The following UTRN variants were observed in gnomAD, a reference collection of about 807,000 sequenced individuals.
UTRN encodes utrophin.
Under a neutral mutation model 463.9 loss-of-function variants are expected in UTRN, and 283 were observed. The observed-to-expected ratio is 0.61, with a 90% CI of 0.55 to 0.67. The LOEUF (loss-of-function observed/expected upper bound fraction) is 0.67. UTRN is among the 30% of genes least tolerant of loss of function. The pLI, the probability that UTRN is intolerant of heterozygous loss-of-function variation, is 0.00. For missense variants in UTRN, 3,922 were observed against 4,084.3 expected (o/e 0.96, Z 1.08); for synonymous variants, 1,442 against 1,431.5 (o/e 1.01, Z -0.17).
chr6:144,490,336 A>T, intron 31 of UTRN, 137 bp downstream of exon 31: 1 of 1,275,872 alleles, frequency 7.8e-7, no homozygotes. Flanking sequence ...TGATGTGTTG[A>T]AGGTTGCATC....
At chr6:144,779,588 G>A (rs1378000281) in intron 60 of UTRN, among the ~76,000 whole-genome samples, 1 of 152,098 alleles carries the variant, frequency 6.6e-6, no homozygotes, top group African/African-American at 2.4e-5. Context: ...GGGGGAGGAA[G>A]AAGAGGAGCA....
chr6:144,703,392 CAGGATTA>C (rs1784780291), intron 53 of UTRN, among the ~76,000 whole-genome samples: 1 of 152,036 alleles, frequency 6.6e-6, no homozygotes, highest in Non-Finnish European at 1.5e-5. Flanking sequence ...GAAGAAAGAT[CAGGATTA>C]GAGATCAAAA....
chr6:144,781,898 C>T, intron 60 of UTRN, 24 bp from the exon 61 acceptor site: 2 of 1,580,090 alleles, frequency 1.3e-6, no homozygotes, highest in African/African-American at 2.7e-5. Context: ...TGACTGTAAA[C>T]ATTCCTTCTT....
intron 51 of UTRN, among the ~76,000 whole-genome samples, chr6:144,596,383 A>C (rs1803645175): frequency 1.3e-5 from 2 of 152,168 alleles, no homozygotes. Context: ...GGTAACATTT[A>C]ATAACCTATG....
intron 50 of UTRN, among the ~76,000 whole-genome samples, chr6:144,570,695 A>G (rs1450102915): frequency 6.6e-6 from 1 of 152,166 alleles, no homozygotes; most frequent in Non-Finnish European, 1.5e-5. Flanking sequence ...AGAATGTTCC[A>G]CTGGTCACCA....
chr6:144,721,249 T>C (rs1281555990), intron 53 of UTRN, among the ~76,000 whole-genome samples: 2 of 152,222 alleles, frequency 1.3e-5, no homozygotes, highest in East Asian at 3.8e-4. Context: ...TCTTGCTCCG[T>C]CGCCTAGGCT....
chr6:144,728,425 CTCT>C (rs1788141654), intron 53 of UTRN, among the ~76,000 whole-genome samples: 1 of 149,392 alleles, frequency 6.7e-6, no homozygotes, highest in African/African-American at 2.5e-5. Flanking sequence ...TTTCTTGTAT[CTCT>C]TTTTATTTCC....
intron 34 of UTRN, among the ~76,000 whole-genome samples, chr6:144,502,188 T>C (rs1454436209): frequency 1.3e-5 from 2 of 152,142 alleles, no homozygotes; most frequent in Non-Finnish European, 2.9e-5. Context: ...TTTCTGCCTT[T>C]AGTGCTTAGA....
In UTRN at chr6:144,544,802, G is replaced by T. The variant is rs1798261724; in HGVS notation, c.6595+1932G>T. Among the ~76,000 whole-genome samples, 4 of 152,100 alleles carry T rather than the reference G, an allele frequency of 2.6e-5. No individual in the cohort carries two copies. In the South Asian group the frequency reaches 8.3e-4, roughly 32 times the overall value. ...CACTTCCTTCCTATTCAGTGAAAGGGTTATTATCTCTTTTCCTAAGACCAG... is the reference window on the plus strand; with the variant it reads ...CACTTCCTTCCTATTCAGTGAAAGGTTTATTATCTCTTTTCCTAAGACCAG... On this transcript the variant is annotated intron_variant, in intron 46 of 74. Coordinates refer to ENST00000367545, the MANE Select transcript of UTRN (RefSeq NM_007124.3).
At chr6:144,619,404 T>C (rs1341192238) in intron 51 of UTRN, among the ~76,000 whole-genome samples, 1 of 152,192 alleles carries the variant, frequency 6.6e-6, no homozygotes, top group Non-Finnish European at 1.5e-5. Flanking sequence ...TTGGTCAGTC[T>C]AGAAATGCAA....
intron 50 of UTRN, among the ~76,000 whole-genome samples, chr6:144,559,768 A>T (rs13219611): frequency 8.5e-5 from 13 of 152,106 alleles, no homozygotes. Context: ...TTTATACATA[A>T]AAAGAATACA....
chr6:144,455,257 A>G (rs185770397), intron 19 of UTRN, among the ~76,000 whole-genome samples: 2 of 152,300 alleles, frequency 1.3e-5, no homozygotes, highest in African/African-American at 4.8e-5. Flanking sequence ...AATTAAATAG[A>G]ATAGTATTTA....
intron 2 of UTRN, among the ~76,000 whole-genome samples, chr6:144,348,815 A>G (rs951713834): frequency 6.6e-6 from 1 of 151,990 alleles, no homozygotes; most frequent in African/African-American, 2.4e-5. Flanking sequence ...ATGCCTGTAA[A>G]CCCAGCTACT....
intron 65 of UTRN, among the ~76,000 whole-genome samples, chr6:144,806,440 T>G (rs4896746): frequency 0.11 from 16,858 of 152,204 alleles, 1,639 homozygotes; most frequent in Admixed American, 0.32. Context: ...AAATCATCTG[T>G]ATGACAGGTC....
chr6:144,404,687 G>A (rs555118450), intron 3 of UTRN, among the ~76,000 whole-genome samples: 80 of 152,248 alleles, frequency 5.3e-4, no homozygotes, highest in Non-Finnish European at 9.6e-4. Context: ...AGTTTAGAGA[G>A]CATTTGAAAC....
At chr6:144,656,438 T>C (rs1779316206) in intron 51 of UTRN, among the ~76,000 whole-genome samples, 1 of 152,224 alleles carries the variant, frequency 6.6e-6, no homozygotes, top group Non-Finnish European at 1.5e-5. Flanking sequence ...TGAGACAAAG[T>C]CTCACTCTGG....
intron 21 of UTRN, among the ~76,000 whole-genome samples, chr6:144,460,319 A>G (rs1350789762): frequency 6.6e-6 from 1 of 152,192 alleles, no homozygotes; most frequent in African/African-American, 2.4e-5. Context: ...ACTGTGTTGC[A>G]TTGTGCATTA....
intron 16 of UTRN, 48 bp downstream of exon 16, chr6:144,447,829 A>C: frequency 6.6e-7 from 1 of 1,526,188 alleles, no homozygotes; most frequent in Non-Finnish European, 8.8e-7. Flanking sequence ...TAAACATTTA[A>C]AATTTAAATG....
chr6:144,346,900 A>G (rs902403893), intron 2 of UTRN, among the ~76,000 whole-genome samples: 1 of 151,568 alleles, frequency 6.6e-6, no homozygotes, highest in Admixed American at 6.6e-5. Flanking sequence ...CTATCTATCT[A>G]TCTATCATCT....
Sources: gnomAD v4.1 joint callset for allele counts (sites outside exome capture counted in the v4.1 genomes callset) on GRCh38, gnomAD v4.1.1 for gene constraint, MANE v1.5 for transcripts, NCBI Gene and HGNC (gene_info 2026-07-23, HGNC 2026-07-21) for gene names.